Variants in ADAM32 observed in about 807,000 individuals in gnomAD.
ADAM32 encodes the protein ADAM metallopeptidase domain 32.
ADAM32 carries 89 observed loss-of-function variants against 114.9 expected under a neutral mutation model. The ratio of observed to expected loss-of-function variants is 0.77; its 90% CI spans 0.65 to 0.92. The LOEUF (loss-of-function observed/expected upper bound fraction) is 0.92, where lower values mean the gene tolerates loss of function less well. Among genes scored for constraint, ADAM32 ranks in the 40% least tolerant of loss-of-function variants. The pLI is 0.00. For missense variants in ADAM32, 870 were observed against 932.8 expected (o/e 0.93, Z 0.88); for synonymous variants, 285 against 307.5 (o/e 0.93, Z 0.77).
At chr8:39,227,049 G>A (rs1341524706) in intron 14 of ADAM32, among the ~76,000 whole-genome samples, 1 of 152,218 alleles carries the variant, frequency 6.6e-6, no homozygotes, top group African/African-American at 2.4e-5. Flanking sequence ...GGGACAGGGT[G>A]TGGTGGCTCA....
chr8:39,208,284 A>G (rs1015343820), intron 11 of ADAM32, among the ~76,000 whole-genome samples: 2 of 152,148 alleles, frequency 1.3e-5, no homozygotes, highest in Non-Finnish European at 2.9e-5. Context: ...AATGAAACAA[A>G]CACAACCTGA....
intron 11 of ADAM32, among the ~76,000 whole-genome samples, chr8:39,189,521 C>T (rs950299216): frequency 7.9e-5 from 12 of 152,040 alleles, no homozygotes; most frequent in East Asian, 1.9e-4. Flanking sequence ...ATTTGGTACA[C>T]GTGATATTTT....
At chr8:39,164,981 A>G (rs775932318) in intron 8 of ADAM32, 49 bp from the exon 9 acceptor site, 4 of 1,535,974 alleles carry the variant, frequency 2.6e-6, no homozygotes. Context: ...GGTTTTTATA[A>G]GATAACATAA....
intron 6 of ADAM32, chr8:39,158,065 C>T (rs566203821): frequency 4.0e-5 from 10 of 248,240 alleles, no homozygotes; most frequent in South Asian, 1.2e-4. Context: ...CTTGGTCACC[C>T]GTTTGATGTC....
At chr8:39,121,185 G>A (rs529265322) in intron 2 of ADAM32, among the ~76,000 whole-genome samples, 29 of 152,130 alleles carry the variant, frequency 1.9e-4, no homozygotes, top group Admixed American at 3.3e-4. Flanking sequence ...GATTTAATCC[G>A]CCATGTCAAG....
At chr8:39,247,039 T>G (rs1810976803) in intron 17 of ADAM32, among the ~76,000 whole-genome samples, 1 of 152,184 alleles carries the variant, frequency 6.6e-6, no homozygotes, top group Non-Finnish European at 1.5e-5. Context: ...ATAGCTTATT[T>G]CTTTTTAGTG....
chr8:39,129,102 CAT>C lies in ADAM32; in HGVS notation c.139-7554_139-7553del, dbSNP rs552323375. Among the ~76,000 whole-genome samples the C allele has an allele frequency of 3.8e-3, 553 of 145,802 alleles. 2 individuals carry two copies. Among genetic ancestry groups the C allele is most frequent in the African/African-American group, 0.013 (535 of 39,714 alleles). On this transcript the variant is annotated intron_variant, in intron 2 of 24. Transcript: ENST00000379907. ...GTCTTGCCACCTTACCTAATTTGTT[CAT>C]TGGTTCTCGTTTTTTTTTGTCTTTT... is the stretch of plus-strand genomic sequence containing the variant.
At chr8:39,266,997 C>T (rs981612099) in intron 19 of ADAM32, among the ~76,000 whole-genome samples, 3 of 152,196 alleles carry the variant, frequency 2.0e-5, no homozygotes, top group African/African-American at 7.2e-5. Flanking sequence ...TGTTCTCTGT[C>T]CCCTTAAGGT....
rs1809937440 is a variant in ADAM32, at chr8:39,234,050, G to A, written c.1786G>A (p.Val596Ile). 2.7e-6 allele frequency: 4 copies of A among 1,491,132 alleles called. No homozygotes were observed. The highest frequency in any genetic ancestry group is 3.6e-6 in the Non-Finnish European group (4 of 1,117,110). The allele number at this position is 1,491,132 out of a possible 1,614,324, so 92.4% of individuals were successfully genotyped here. The change falls in exon 16 of 25, where the codon GTC becomes ATC. Residue 596 changes from valine (V) to isoleucine (I), a missense_variant. By Grantham distance (29) the Val-to-Ile change is conservative. Transcript: ENST00000379907. ...TCGAACAGTTCCAGATCCACTGGCTGTCAAAAATGGCTCTCAGTGTGATAT... is the reference window on the plus strand; with the variant it reads ...TCGAACAGTTCCAGATCCACTGGCTATCAAAAATGGCTCTCAGTGTGATAT... ...LPRTVPDPLA[V>I]KNGSQCDIGR...
At chr8:39,283,983 A>G (rs903077265) in intron 24 of ADAM32, among the ~76,000 whole-genome samples, 5 of 152,110 alleles carry the variant, frequency 3.3e-5, no homozygotes, top group Admixed American at 2.6e-4. Flanking sequence ...CATGTTGGCT[A>G]GGCTGGTCTT....
intron 1 of ADAM32, among the ~76,000 whole-genome samples, chr8:39,110,216 C>G (rs973265115): frequency 1.3e-5 from 2 of 152,038 alleles, no homozygotes; most frequent in Admixed American, 1.3e-4. Flanking sequence ...TTACAGGTGC[C>G]TGCTACCATG....
intron 6 of ADAM32, chr8:39,158,075 C>A: frequency 8.0e-6 from 2 of 249,874 alleles, no homozygotes; most frequent in South Asian, 1.2e-4. Flanking sequence ...CGTTTGATGT[C>A]AATCATCTTG....
At chr8:39,181,475 G>A (rs753388607) in intron 10 of ADAM32, among the ~76,000 whole-genome samples, 20 of 152,140 alleles carry the variant, frequency 1.3e-4, no homozygotes, top group African/African-American at 1.9e-4. Flanking sequence ...CACTCACTGC[G>A]AGGCTCCGCG....
At chr8:39,224,402 G>C (rs1380152345) in intron 14 of ADAM32, among the ~76,000 whole-genome samples, 1 of 152,086 alleles carries the variant, frequency 6.6e-6, no homozygotes, top group Non-Finnish European at 1.5e-5. Flanking sequence ...CAGTGTATGA[G>C]GGTTTCTTTT....
chr8:39,152,771 C>A (rs1258715394), intron 6 of ADAM32, among the ~76,000 whole-genome samples: 2 of 151,300 alleles, frequency 1.3e-5, no homozygotes, highest in Non-Finnish European at 2.9e-5. Context: ...GAAAAAAACA[C>A]CAAACCTCAG....
chr8:39,267,536 G>T (rs1564721615), intron 19 of ADAM32, among the ~76,000 whole-genome samples: 1 of 152,130 alleles, frequency 6.6e-6, no homozygotes. Context: ...TATAAATGAA[G>T]CTGTTGTGAA....
Position 39,186,895 on chromosome 8 carries a change from T to A in ADAM32, c.916-14T>A, listed in dbSNP as rs371385429. ...AATTATCTTTCCTTAGAATTTTCTTTGTTGTTATTATAGTACCCCAAGGAG... is the reference window on the plus strand; with the variant it reads ...AATTATCTTTCCTTAGAATTTTCTTAGTTGTTATTATAGTACCCCAAGGAG... On this transcript the variant is annotated splice_polypyrimidine_tract_variant and intron_variant, in intron 10 of 24. Transcript: ENST00000379907. The A allele has an allele frequency of 6.4e-7, 1 of 1,561,000 alleles. No homozygotes were observed. The highest frequency in any genetic ancestry group is 8.6e-7 in the Non-Finnish European group (1 of 1,157,398).
intron 12 of ADAM32, among the ~76,000 whole-genome samples, chr8:39,215,467 A>AT (rs1808496155): frequency 6.6e-6 from 1 of 151,828 alleles, no homozygotes; most frequent in Non-Finnish European, 1.5e-5. Context: ...TGATTTTCAG[A>AT]TTGTTCACTG....
chr8:39,134,921 C>T (rs941130678), intron 2 of ADAM32, among the ~76,000 whole-genome samples: 20 of 152,160 alleles, frequency 1.3e-4, no homozygotes, highest in Middle Eastern at 3.4e-3. Flanking sequence ...TTTGGGAGGC[C>T]GAGGTGGGCG....
Sources: gnomAD v4.1 joint callset for allele counts (sites outside exome capture counted in the v4.1 genomes callset) on GRCh38, gnomAD v4.1.1 for gene constraint, MANE v1.5 for transcripts, NCBI Gene and HGNC (gene_info 2026-07-23, HGNC 2026-07-21) for gene names.